TEX11: variants seen among roughly 807,000 people sequenced by gnomAD.
TEX11 encodes testis expressed 11.
Under a neutral mutation model 84.4 loss-of-function variants are expected in TEX11, and 7 were observed. That is an observed-to-expected ratio of 0.08 (90% confidence interval 0.05 to 0.16). TEX11 has a LOEUF of 0.16. Ranked by LOEUF, TEX11 falls within the 10% of genes least tolerant of loss-of-function variation. The probability of loss-of-function intolerance (pLI) is 1.00; values close to 1 mark genes in which losing one functional copy is unlikely to be tolerated. For synonymous variants in TEX11, 264 were observed against 222.8 expected, an observed-to-expected ratio of 1.18 and a Z score of -1.64; for missense variants, 551 against 660.5, an observed-to-expected ratio of 0.83 and a Z score of 1.82.
intron 18 of TEX11, 82 bp downstream of exon 18, chrX:70,629,529 G>T: frequency 9.2e-7 from 1 of 1,090,075 alleles, no homozygotes; most frequent in East Asian, 3.1e-5. Context: ...TCTCTTCTGT[G>T]TCTAACTGAT....
chrX:70,714,581 T>C (rs2090477484), intron 13 of TEX11, among the ~76,000 whole-genome samples: 1 of 111,827 alleles, frequency 8.9e-6, no homozygotes, highest in African/African-American at 3.3e-5. Flanking sequence ...TTTGTTGGTT[T>C]AAAGTCTGTA....
intron 11 of TEX11, among the ~76,000 whole-genome samples, chrX:70,730,056 C>T (rs902781174): frequency 2.7e-5 from 3 of 111,674 alleles, no homozygotes; most frequent in Non-Finnish European, 5.6e-5. Context: ...TCCAGCCAAA[C>T]TAAGCTTCAT....
At chrX:70,736,030 G>C (rs2090693267) in intron 11 of TEX11, among the ~76,000 whole-genome samples, 1 of 111,090 alleles carries the variant, frequency 9.0e-6, no homozygotes, top group African/African-American at 3.3e-5. Context: ...TATATGATTT[G>C]CAAATATGTT....
intron 13 of TEX11, 22 bp downstream of exon 13, chrX:70,722,596 G>A (rs779976080): frequency 8.4e-7 from 1 of 1,185,251 alleles, no homozygotes; most frequent in South Asian, 1.8e-5. Flanking sequence ...AGTCTTTAGA[G>A]AAAGGGAAAT....
At chrX:70,722,592 T>G (rs1569419150) in intron 13 of TEX11, 26 bp downstream of exon 13, 1 of 1,179,985 alleles carries the variant, frequency 8.5e-7, no homozygotes, top group African/African-American at 1.8e-5. Flanking sequence ...TGTCAGTCTT[T>G]AGAGAAAGGG....
intron 3 of TEX11, among the ~76,000 whole-genome samples, chrX:70,874,877 A>G (rs1461606756): frequency 9.0e-6 from 1 of 111,040 alleles, no homozygotes; most frequent in Non-Finnish European, 1.9e-5. Context: ...CAATTTGGCA[A>G]CATATAAAAA....
chrX:70,614,690 A>T (rs1170074225), intron 20 of TEX11, among the ~76,000 whole-genome samples: 1 of 111,295 alleles, frequency 9.0e-6, no homozygotes, highest in Non-Finnish European at 1.9e-5. Flanking sequence ...TAGTGCTTAC[A>T]GTGGGCCTTG....
At chrX:70,905,897 CA>C (rs1329605098) in intron 2 of TEX11, among the ~76,000 whole-genome samples, 2 of 102,215 alleles carry the variant, frequency 2.0e-5, no homozygotes, top group East Asian at 6.1e-4. Flanking sequence ...ACTAAAAATA[CA>C]AAAAATTAGC....
At chrX:70,822,758 T>C (rs2091324799) in intron 8 of TEX11, among the ~76,000 whole-genome samples, 1 of 111,439 alleles carries the variant, frequency 9.0e-6, no homozygotes, top group East Asian at 2.8e-4. Flanking sequence ...CTTCCACTCA[T>C]GGTAGAAGGC....
chrX:70,623,361 C>G (rs185292762), intron 20 of TEX11, among the ~76,000 whole-genome samples: 1 of 111,521 alleles, frequency 9.0e-6, no homozygotes, highest in Non-Finnish European at 1.9e-5. Flanking sequence ...AAGTCTTCAA[C>G]GAATTGTTAA....
Position 70,839,466 on chromosome X carries a change from C to T in TEX11, c.526-5873G>A, listed in dbSNP as rs1301246878. 3.6e-5 allele frequency among the ~76,000 whole-genome samples: 4 copies of T among 111,649 alleles called. No homozygotes were observed. In the East Asian group the frequency reaches 8.4e-4, roughly 23 times the overall value. On this transcript the variant is annotated intron_variant, in intron 7 of 29. Transcript: ENST00000374333. ...AAGGAAAACTAACAAACAGAAAGGACATCCACATCAAAAACTCATCTGTAG... is the reference window on the plus strand; with the variant it reads ...AAGGAAAACTAACAAACAGAAAGGATATCCACATCAAAAACTCATCTGTAG...
At chrX:70,817,544 C>T (rs981182214) in intron 8 of TEX11, among the ~76,000 whole-genome samples, 25 of 110,918 alleles carry the variant, frequency 2.3e-4, no homozygotes, top group Non-Finnish European at 9.4e-5. Context: ...ATTAGCCGGG[C>T]GTGGTGGGAC....
At chrX:70,644,116 T>C (rs1465337987) in intron 17 of TEX11, among the ~76,000 whole-genome samples, 23 of 102,047 alleles carry the variant, frequency 2.3e-4, no homozygotes, top group Non-Finnish European at 4.0e-4. Flanking sequence ...GCAAAGGACA[T>C]GAATAGACAC....
chrX:70,728,213 C>A (rs897045121), intron 11 of TEX11, among the ~76,000 whole-genome samples: 1 of 112,552 alleles, frequency 8.9e-6, no homozygotes, highest in Non-Finnish European at 1.9e-5. Flanking sequence ...AGGAACAGCT[C>A]CAGTCTACAG....
At chrX:70,833,449 T>G (rs1243348118) in intron 8 of TEX11, 64 bp downstream of exon 8, 1 of 939,267 alleles carries the variant, frequency 1.1e-6, no homozygotes, top group Non-Finnish European at 1.5e-6. Context: ...GAAGTAGTAA[T>G]GATTCTTCCT....
chrX:70,803,707 G>A (rs888736808), intron 9 of TEX11, among the ~76,000 whole-genome samples: 1 of 112,152 alleles, frequency 8.9e-6, no homozygotes, highest in African/African-American at 3.2e-5. Flanking sequence ...AGTTAAGCCT[G>A]TAGAATGTGT....
intron 8 of TEX11, among the ~76,000 whole-genome samples, chrX:70,811,524 CT>C (rs1433278004): frequency 1.8e-5 from 2 of 111,970 alleles, no homozygotes; most frequent in African/African-American, 6.5e-5. Context: ...GATTTATAAT[CT>C]TTTGGGTATA....
intron 16 of TEX11, among the ~76,000 whole-genome samples, chrX:70,657,568 A>G (rs935164445): frequency 9.0e-6 from 1 of 111,153 alleles, no homozygotes; most frequent in African/African-American, 3.3e-5. Context: ...CCGACTATTT[A>G]AAAATGAGCT....
chrX:70,869,200 CAA>C (rs913035200), intron 4 of TEX11, among the ~76,000 whole-genome samples: 3 of 109,974 alleles, frequency 2.7e-5, no homozygotes, highest in African/African-American at 3.3e-5. Flanking sequence ...TCAGTATTTT[CAA>C]AGACTCTGAT....
Sources: allele counts gnomAD v4.1 joint callset (sites outside exome capture counted in the v4.1 genomes callset), GRCh38; gene constraint gnomAD v4.1.1; transcripts MANE v1.5; gene names NCBI Gene and HGNC (gene_info 2026-07-23, HGNC 2026-07-21).